DPP10: variants seen among roughly 807,000 people sequenced by gnomAD.
DPP10 encodes the protein dipeptidyl peptidase like 10, also known as inactive dipeptidyl peptidase 10.
Under a neutral mutation model 120.9 loss-of-function variants are expected in DPP10, and 33 were observed. The ratio of observed to expected loss-of-function variants is 0.27; its 90% CI spans 0.21 to 0.37. The LOEUF is 0.37. Among genes scored for constraint, DPP10 ranks in the 10% least tolerant of loss-of-function variants. DPP10 has a pLI of 1.00. For synonymous variants in DPP10, 337 were observed against 326.1 expected (o/e 1.03, Z -0.36); for missense variants, 816 against 942.8 (o/e 0.87, Z 1.76).
intron 5 of DPP10, among the ~76,000 whole-genome samples, chr2:115,553,776 A>G (rs888567480): frequency 1.6e-4 from 25 of 151,860 alleles, no homozygotes; most frequent in African/African-American, 5.3e-4. Flanking sequence ...TACTGGGAAG[A>G]TGCTTATATA....
chr2:115,221,214 G>A (rs534197040), intron 1 of DPP10, among the ~76,000 whole-genome samples: 5 of 152,108 alleles, frequency 3.3e-5, no homozygotes, highest in African/African-American at 1.2e-4. Context: ...TAGCCATCTG[G>A]CTGTGTTAGG....
chr2:115,304,041 T>C (rs575161605), intron 1 of DPP10, among the ~76,000 whole-genome samples: 1 of 152,166 alleles, frequency 6.6e-6, no homozygotes, highest in East Asian at 1.9e-4. Flanking sequence ...TATTTTCGGA[T>C]TATTCAGCAT....
chr2:115,066,372 G>C (rs912788538), intron 1 of DPP10, among the ~76,000 whole-genome samples: 1 of 52,410 alleles, frequency 1.9e-5, no homozygotes. Context: ...TATACATCAA[G>C]ATTATGCAAA....
At chr2:114,950,673 T>C (rs960324363) in intron 1 of DPP10, among the ~76,000 whole-genome samples, 1 of 152,082 alleles carries the variant, frequency 6.6e-6, no homozygotes, top group African/African-American at 2.4e-5. Context: ...TAGGACCCTA[T>C]CTTGTTATTT....
chr2:115,370,904 C>T (rs1223292676), intron 3 of DPP10, among the ~76,000 whole-genome samples: 5 of 152,048 alleles, frequency 3.3e-5, no homozygotes, highest in Admixed American at 6.6e-5. Context: ...CTGAGATAAA[C>T]AAACTGTATA....
Position 115,326,484 on chromosome 2 carries a change from T to A in DPP10, c.175+17131T>A, listed in dbSNP as rs367858416. 9.2e-5 allele frequency among the ~76,000 whole-genome samples: 14 copies of A among 152,206 alleles called. No homozygotes were observed. In the East Asian group the frequency reaches 2.7e-3, roughly 29 times the overall value. ...TACACTTTTATTATTTTACAGTGCA[T>A]TCCTTCTACCTATTAAAACATAAGT... On this transcript the variant is annotated intron_variant, in intron 2 of 25. Coordinates refer to ENST00000410059, the MANE Select transcript of DPP10 (RefSeq NM_020868.6).
At chr2:115,556,201 A>G (rs528705986) in intron 5 of DPP10, among the ~76,000 whole-genome samples, 63 of 152,110 alleles carry the variant, frequency 4.1e-4, no homozygotes, top group Non-Finnish European at 7.9e-4. Flanking sequence ...GATACTTTTT[A>G]TACTCCGAAT....
At chr2:114,972,919 C>T (rs1699491686) in intron 1 of DPP10, among the ~76,000 whole-genome samples, 1 of 152,156 alleles carries the variant, frequency 6.6e-6, no homozygotes, top group Non-Finnish European at 1.5e-5. Flanking sequence ...AATCACACAA[C>T]CAAAAATATC....
chr2:115,131,449 G>T (rs751563300), intron 1 of DPP10, among the ~76,000 whole-genome samples: 4 of 152,106 alleles, frequency 2.6e-5, no homozygotes, highest in Non-Finnish European at 5.9e-5. Flanking sequence ...GGAGGTCAAG[G>T]CTGCAGTGAG....
At chr2:115,658,312 T>A (rs1422067457) in intron 5 of DPP10, among the ~76,000 whole-genome samples, 2 of 152,012 alleles carry the variant, frequency 1.3e-5, no homozygotes, top group Admixed American at 6.6e-5. Context: ...TTTTGAATAA[T>A]GTTTTCATGT....
At chr2:114,775,880 G>T (rs1055056537) in intron 1 of DPP10, among the ~76,000 whole-genome samples, 4 of 152,116 alleles carry the variant, frequency 2.6e-5, no homozygotes, top group Admixed American at 6.6e-5. Context: ...ACACTCCTAC[G>T]TCTCAAGGAA....
intron 1 of DPP10, among the ~76,000 whole-genome samples, chr2:114,543,717 G>C (rs1687136648): frequency 6.6e-6 from 1 of 151,818 alleles, no homozygotes; most frequent in Non-Finnish European, 1.5e-5. Context: ...TATTTGTGTA[G>C]TGCTGCTTTT....
intron 1 of DPP10, among the ~76,000 whole-genome samples, chr2:115,112,544 T>TA (rs2049280484): frequency 6.6e-6 from 1 of 152,214 alleles, no homozygotes; most frequent in Non-Finnish European, 1.5e-5. Flanking sequence ...CTCTCACACT[T>TA]ACCATTTTTT....
intron 1 of DPP10, chr2:115,233,990 TAAATG>T (rs763233267): frequency 1.9e-6 from 1 of 514,822 alleles, no homozygotes; most frequent in South Asian, 1.4e-5. Context: ...AGTAGGAAGT[TAAATG>T]GAGGTAGTGG....
In DPP10 at chr2:115,649,393, T is replaced by C. The variant is rs1433086855; in HGVS notation, c.442-40294T>C. 2.6e-5 allele frequency among the ~76,000 whole-genome samples: 4 copies of C among 152,126 alleles called. No individual in the cohort carries two copies. In the East Asian group the frequency reaches 7.7e-4, roughly 29 times the overall value. On this transcript the variant is annotated intron_variant, in intron 5 of 25. Coordinates refer to ENST00000410059, the MANE Select transcript of DPP10 (RefSeq NM_020868.6). ...AGATTAACATTAAACTCGTGAAATA[T>C]ATTGTAGAAACTTCAGATTACATTT...
intron 19 of DPP10, among the ~76,000 whole-genome samples, chr2:115,804,250 C>T (rs915344149): frequency 6.6e-6 from 1 of 152,170 alleles, no homozygotes; most frequent in African/African-American, 2.4e-5. Flanking sequence ...GCATTCGTCA[C>T]GTAGTTCTCG....
chr2:115,150,010 A>G (rs2051446200), intron 1 of DPP10, among the ~76,000 whole-genome samples: 1 of 152,222 alleles, frequency 6.6e-6, no homozygotes, highest in Non-Finnish European at 1.5e-5. Flanking sequence ...AAAAGAGTGA[A>G]TGGAAAAAGC....
At chr2:114,749,179 T>C (rs963183553) in intron 1 of DPP10, among the ~76,000 whole-genome samples, 7 of 148,062 alleles carry the variant, frequency 4.7e-5, no homozygotes, top group African/African-American at 1.8e-4. Context: ...TTTTCATGTG[T>C]TTTTTGGCTG....
chr2:114,622,355 G>A (rs1371926855), intron 1 of DPP10, among the ~76,000 whole-genome samples: 2 of 151,064 alleles, frequency 1.3e-5, no homozygotes, highest in Admixed American at 1.3e-4. Flanking sequence ...ATTAGGCCCT[G>A]TCCAACTTAT....
Sources: gnomAD v4.1 joint callset for allele counts (sites outside exome capture counted in the v4.1 genomes callset) on GRCh38, gnomAD v4.1.1 for gene constraint, MANE v1.5 for transcripts, NCBI Gene and HGNC (gene_info 2026-07-23, HGNC 2026-07-21) for gene names.